TRPC4AP: variants seen among roughly 807,000 people sequenced by gnomAD.
TRPC4AP encodes short transient receptor potential channel 4-associated protein.
TRPC4AP carries 45 observed loss-of-function variants against 99.0 expected under a neutral mutation model. The ratio of observed to expected loss-of-function variants is 0.45; its 90% confidence interval spans 0.36 to 0.58. The LOEUF is 0.58. Among genes scored for constraint, TRPC4AP ranks in the 20% least tolerant of loss-of-function variants. TRPC4AP has a pLI of 0.00. For synonymous variants in TRPC4AP, 408 were observed against 385.8 expected, an observed-to-expected ratio of 1.06 and a Z score of -0.67; for missense variants, 879 against 985.3, an observed-to-expected ratio of 0.89 and a Z score of 1.44.
At chr20:35,086,351 A>G (rs1366112436) in intron 1 of TRPC4AP, among the ~76,000 whole-genome samples, 1 of 151,858 alleles carries the variant, frequency 6.6e-6, no homozygotes, top group Non-Finnish European at 1.5e-5. Context: ...TGTGTCCTTT[A>G]ATGGGGTATG....
intron 9 of TRPC4AP, 101 bp downstream of exon 9, chr20:35,021,089 G>T: frequency 7.5e-7 from 1 of 1,331,352 alleles, no homozygotes; most frequent in Non-Finnish European, 1.0e-6. Context: ...AGGCTAAAGC[G>T]AGAGCCATTC....
intron 14 of TRPC4AP, 53 bp downstream of exon 14, chr20:35,007,497 C>T (rs2273636): frequency 0.62 from 974,762 of 1,570,728 alleles, 305,743 homozygotes; most frequent in Admixed American, 0.8. Context: ...GACACAGCAA[C>T]GCGTGGGCTG....
intron 7 of TRPC4AP, among the ~76,000 whole-genome samples, chr20:35,038,778 A>T (rs906417797): frequency 6.6e-6 from 1 of 152,234 alleles, no homozygotes; most frequent in African/African-American, 2.4e-5. Context: ...TTTTTTCTAA[A>T]AACAAATCAG....
chr20:35,012,542 C>T (rs753375073), intron 11 of TRPC4AP, among the ~76,000 whole-genome samples: 1 of 152,110 alleles, frequency 6.6e-6, no homozygotes, highest in Non-Finnish European at 1.5e-5. Context: ...CATTCTCCAT[C>T]GAAGGTTAAA....
At chr20:35,026,882 A>G (rs1352724845) in intron 8 of TRPC4AP, among the ~76,000 whole-genome samples, 3 of 152,096 alleles carry the variant, frequency 2.0e-5, no homozygotes, top group Admixed American at 6.5e-5. Flanking sequence ...AATACTACTC[A>G]TTTTTTAATA....
chr20:35,084,530 G>GTATATGTATATATGTTTATATGCA (rs2084754481), intron 1 of TRPC4AP, among the ~76,000 whole-genome samples: 4 of 145,204 alleles, frequency 2.8e-5, no homozygotes, highest in African/African-American at 7.6e-5. Flanking sequence ...GTGTATATAT[G>GTATATGTATATATGTTTATATGCA]TATATATGTA....
At chr20:35,015,081 C>A (rs1046110698) in intron 10 of TRPC4AP, among the ~76,000 whole-genome samples, 22 of 152,288 alleles carry the variant, frequency 1.4e-4, no homozygotes, top group African/African-American at 4.6e-4. Flanking sequence ...TTCACTGCAA[C>A]CTCTACCTCC....
chr20:35,021,055 G>A (rs2082875080), intron 9 of TRPC4AP, 135 bp downstream of exon 9: 2 of 940,296 alleles, frequency 2.1e-6, no homozygotes, highest in Admixed American at 5.5e-5. Flanking sequence ...TAGAACAGAA[G>A]GAGAAATACC....
intron 1 of TRPC4AP, among the ~76,000 whole-genome samples, chr20:35,080,180 T>C (rs992217843): frequency 2.6e-5 from 4 of 151,930 alleles, no homozygotes; most frequent in Non-Finnish European, 5.9e-5. Flanking sequence ...CTTGAGACCA[T>C]TATGCTAAAT....
At chr20:35,030,501 G>T (rs1320300144) in intron 8 of TRPC4AP, 2 of 152,120 alleles carry the variant, frequency 1.3e-5, no homozygotes, top group Non-Finnish European at 2.9e-5. Flanking sequence ...ATCTATGTAT[G>T]TTAAAAGCCC....
chr20:35,088,658 G>A (rs1009164109), intron 1 of TRPC4AP, among the ~76,000 whole-genome samples: 28 of 152,134 alleles, frequency 1.8e-4, no homozygotes, highest in African/African-American at 6.5e-4. Flanking sequence ...CACCTCTTTA[G>A]AAATAAGGAA....
rs777345745 is a variant in TRPC4AP, at chr20:35,046,144, A to T, written c.658-1432T>A. 5.0e-4 allele frequency among the ~76,000 whole-genome samples: 76 copies of T among 152,202 alleles called. 1 individual carries two copies. Among genetic ancestry groups the T allele is most frequent in the Non-Finnish European group, 1.3e-4 (9 of 68,046 alleles). ...TTACCAGAAATAATTCCAAAACATT[A>T]AAATTAAGTTCAATATTTGCTGTAA... On this transcript the variant is annotated intron_variant, in intron 6 of 18. Transcript: ENST00000252015.
intron 9 of TRPC4AP, among the ~76,000 whole-genome samples, chr20:35,016,931 A>T (rs907784739): frequency 6.6e-6 from 1 of 152,214 alleles, no homozygotes; most frequent in African/African-American, 2.4e-5. Flanking sequence ...CATTGGGTAC[A>T]TTCACACGCT....
chr20:35,084,657 CATATATGTGTATAT>C (rs2084773829), intron 1 of TRPC4AP, among the ~76,000 whole-genome samples: 2 of 97,122 alleles, frequency 2.1e-5, no homozygotes, highest in Admixed American at 1.1e-4. Context: ...TGTTTATATG[CATATATGTGTATAT>C]GTATATATGT....
chr20:35,045,831 C>T (rs1027668809), intron 6 of TRPC4AP, among the ~76,000 whole-genome samples: 21 of 152,018 alleles, frequency 1.4e-4, no homozygotes, highest in African/African-American at 4.3e-4. Flanking sequence ...TGAGCTACCA[C>T]GCCTGGCCAA....
At chr20:35,078,449 C>A (rs566216748) in intron 1 of TRPC4AP, among the ~76,000 whole-genome samples, 75 of 152,192 alleles carry the variant, frequency 4.9e-4, no homozygotes, top group Non-Finnish European at 7.4e-4. Context: ...TAAATATATA[C>A]TGGAAATTCT....
At chr20:35,028,919 C>T (rs73273814) in intron 8 of TRPC4AP, among the ~76,000 whole-genome samples, 6,718 of 152,202 alleles carry the variant, frequency 0.044, 492 homozygotes, top group African/African-American at 0.15. Flanking sequence ...TCAAATATCC[C>T]TATTTTGCTC....
chr20:35,015,199 C>G (rs2082722027), intron 10 of TRPC4AP, among the ~76,000 whole-genome samples: 1 of 152,132 alleles, frequency 6.6e-6, no homozygotes, highest in Non-Finnish European at 1.5e-5. Flanking sequence ...CGGGGTTTCA[C>G]CATGTTGGCC....
chr20:35,026,796 G>A (rs891141528), intron 8 of TRPC4AP, among the ~76,000 whole-genome samples: 3 of 151,928 alleles, frequency 2.0e-5, no homozygotes, highest in African/African-American at 7.3e-5. Context: ...AAGTTCCTAA[G>A]TATTTTATTT....
Sources: allele counts gnomAD v4.1 joint callset (sites outside exome capture counted in the v4.1 genomes callset), GRCh38; gene constraint gnomAD v4.1.1; transcripts MANE v1.5; gene names NCBI Gene and HGNC (gene_info 2026-07-23, HGNC 2026-07-21).